UPK1B: variants seen among roughly 807,000 people sequenced by gnomAD.
UPK1B encodes uroplakin 1B.
UPK1B carries 28 observed loss-of-function variants against 34.2 expected under a neutral mutation model. That is an observed-to-expected ratio of 0.82 (90% CI 0.61 to 1.12). The LOEUF (loss-of-function observed/expected upper bound fraction) is 1.12, where lower values mean the gene tolerates loss of function less well. Ranked by LOEUF, UPK1B falls within the 50% of genes most tolerant of loss-of-function variation. The pLI is 0.00. For synonymous variants in UPK1B, 81 were observed against 110.4 expected (o/e 0.73, Z 1.67); for missense variants, 325 against 320.9 (o/e 1.01, Z -0.10).
intron 3 of UPK1B, among the ~76,000 whole-genome samples, chr3:119,188,379 G>T (rs550898195): frequency 1.3e-5 from 2 of 152,118 alleles, no homozygotes; most frequent in African/African-American, 4.8e-5. Flanking sequence ...TATTAATTAG[G>T]CATTAATATA....
Position 119,186,784 on chromosome 3 carries a change from C to T in UPK1B, c.43C>T (p.Leu15=). ...NSTVRCFQGL[L]IFGNVIIGCC... ...AACTGTTCGTTGCTTCCAGGGCCTG[C>T]TGATTTTTGGAAATGTGATTATTGG... Residue 15 remains leucine (L), a synonymous_variant, in exon 2 of 8, where the codon CTG becomes TTG. Transcript: ENST00000264234. 1.9e-6 allele frequency: 3 copies of T among 1,614,072 alleles called. No homozygotes were observed. The highest frequency in any genetic ancestry group is 2.5e-6 in the Non-Finnish European group (3 of 1,179,982).
chr3:119,197,677 A>G (rs547405129), intron 6 of UPK1B, among the ~76,000 whole-genome samples: 324 of 152,370 alleles, frequency 2.1e-3, no homozygotes, highest in African/African-American at 7.3e-3. Flanking sequence ...AGTGAACAAC[A>G]TAAAATCCCT....
intron 2 of UPK1B, 82 bp from the exon 3 acceptor site, chr3:119,187,693 C>A: frequency 6.9e-7 from 1 of 1,442,114 alleles, no homozygotes. Context: ...GAAAGGGAGC[C>A]AGTCACTCTT....
chr3:119,200,639 GA>G (rs1222587942), intron 7 of UPK1B, among the ~76,000 whole-genome samples: 1 of 152,134 alleles, frequency 6.6e-6, no homozygotes, highest in African/African-American at 2.4e-5. Context: ...TTAAGCAATG[GA>G]ATGCTATCAA....
At chr3:119,185,660 T>C (rs1375557756) in intron 1 of UPK1B, among the ~76,000 whole-genome samples, 2 of 152,188 alleles carry the variant, frequency 1.3e-5, no homozygotes, top group Non-Finnish European at 2.9e-5. Context: ...TACAATAATC[T>C]CCCTTACATA....
At chr3:119,175,895 T>C (rs1342323778) in intron 1 of UPK1B, 1 of 152,216 alleles carries the variant, frequency 6.6e-6, no homozygotes, top group Non-Finnish European at 1.5e-5. Context: ...AACTACTGTA[T>C]TAGTCAACAC....
chr3:119,195,863 A>G (rs2078065081), intron 6 of UPK1B, among the ~76,000 whole-genome samples: 1 of 152,244 alleles, frequency 6.6e-6, no homozygotes, highest in South Asian at 2.1e-4. Context: ...GTTTAGATAG[A>G]TGAGAAATTG....
Position 119,174,225 on chromosome 3 carries a change from TA to T in UPK1B, c.-29+589del, listed in dbSNP as rs1262611832. ...TGCTTAATAAATGTGTCAGTTGAAG[TA>T]AGTCAACAAAGTAGCTTTATCTACG... On this transcript the variant is annotated intron_variant, in intron 1 of 7. Coordinates refer to ENST00000264234, the MANE Select transcript of UPK1B (RefSeq NM_006952.4). 3.3e-5 allele frequency among the ~76,000 whole-genome samples: 5 copies of T among 152,362 alleles called. 1 individual carries two copies. The highest frequency in any genetic ancestry group is 3.9e-4 in the East Asian group (2 of 5,194).
chr3:119,196,841 T>TTTTTG (rs779220295), intron 6 of UPK1B, among the ~76,000 whole-genome samples: 1 of 151,916 alleles, frequency 6.6e-6, no homozygotes, highest in Non-Finnish European at 1.5e-5. Context: ...CCCAGCCTGG[T>TTTTTG]TTTTGTTTTG....
chr3:119,198,718 G>A (rs558370129), intron 6 of UPK1B, among the ~76,000 whole-genome samples: 7 of 152,252 alleles, frequency 4.6e-5, no homozygotes, highest in Non-Finnish European at 1.0e-4. Context: ...GAAGCCTTTG[G>A]GGAGGGAAAA....
intron 3 of UPK1B, among the ~76,000 whole-genome samples, chr3:119,188,950 G>GTTCCAGGGCACA (rs1235010322): frequency 1.1e-4 from 17 of 152,260 alleles, no homozygotes; most frequent in African/African-American, 3.9e-4. Context: ...TCCTTAGTGT[G>GTTCCAGGGCACA]CGTAAGTTCC....
intron 1 of UPK1B, among the ~76,000 whole-genome samples, chr3:119,178,592 G>T (rs936795985): frequency 6.6e-6 from 1 of 152,172 alleles, no homozygotes; most frequent in African/African-American, 2.4e-5. Context: ...TAAGTAAGTA[G>T]ATCATTTTGG....
chr3:119,190,220 T>G (rs1559902467), intron 3 of UPK1B, 25 bp from the exon 4 acceptor site: 3 of 1,535,862 alleles, frequency 2.0e-6, no homozygotes, highest in African/African-American at 2.7e-5. Flanking sequence ...ATGTAATTCT[T>G]TTATCTCATT....
At chr3:119,199,312 G>A (rs1458785586) in intron 7 of UPK1B, among the ~76,000 whole-genome samples, 172 bp downstream of exon 7, 1 of 152,230 alleles carries the variant, frequency 6.6e-6, no homozygotes, top group African/African-American at 2.4e-5. Context: ...TCTCTTGAGA[G>A]GCAAGGAGTT....
chr3:119,178,912 G>A (rs1376255724), intron 1 of UPK1B, among the ~76,000 whole-genome samples: 1 of 152,068 alleles, frequency 6.6e-6, no homozygotes, highest in South Asian at 2.1e-4. Flanking sequence ...CTGGCAGTGG[G>A]AATTGGTAAA....
intron 1 of UPK1B, among the ~76,000 whole-genome samples, chr3:119,179,955 C>A (rs553727956): frequency 6.6e-6 from 1 of 151,796 alleles, no homozygotes; most frequent in East Asian, 1.9e-4. Context: ...TGCGCCACCA[C>A]CCCCAGCTAA....
chr3:119,183,218 T>C (rs1175244994), intron 1 of UPK1B, among the ~76,000 whole-genome samples: 3 of 152,162 alleles, frequency 2.0e-5, no homozygotes, highest in African/African-American at 7.2e-5. Context: ...TTCTGCACTT[T>C]CTAGCAATGT....
chr3:119,198,845 G>A (rs2078078228), intron 6 of UPK1B, among the ~76,000 whole-genome samples: 1 of 152,202 alleles, frequency 6.6e-6, no homozygotes, highest in Non-Finnish European at 1.5e-5. Flanking sequence ...ACAAATAAAT[G>A]TGTTGTGGAA....
chr3:119,190,885 G>A, intron 4 of UPK1B, 97 bp from the exon 5 acceptor site: 1 of 1,532,868 alleles, frequency 6.5e-7, no homozygotes, highest in Admixed American at 1.8e-5. Context: ...AGGAGAGAAT[G>A]TTCAGTGTCC....
Sources: allele counts gnomAD v4.1 joint callset (sites outside exome capture counted in the v4.1 genomes callset), GRCh38; gene constraint gnomAD v4.1.1; transcripts MANE v1.5; gene names NCBI Gene and HGNC (gene_info 2026-07-23, HGNC 2026-07-21).